The following ARPP21 variants were observed in gnomAD, a reference collection of about 807,000 sequenced individuals.
The protein encoded by ARPP21 is cAMP-regulated phosphoprotein 21.
In ARPP21, 69 loss-of-function variants were observed where a neutral mutation model predicts 113.2. That is an observed-to-expected ratio of 0.61 (90% CI 0.50 to 0.74). The LOEUF (loss-of-function observed/expected upper bound fraction) is 0.74. ARPP21 is among the 30% of genes least tolerant of loss of function. The pLI is 0.00. For missense variants in ARPP21, 1,070 were observed against 1,037.4 expected, an observed-to-expected ratio of 1.03 and a Z score of -0.43; for synonymous variants, 368 against 375.5, an observed-to-expected ratio of 0.98 and a Z score of 0.23.
chr3:35,707,458 C>T (rs1480133446), intron 10 of ARPP21: 1 of 473,024 alleles, frequency 2.1e-6, no homozygotes, highest in Non-Finnish European at 4.2e-6. Flanking sequence ...CAGCTTTGTC[C>T]TTCAGTTGTG....
At chr3:35,656,933 A>G (rs1705234850) in intron 1 of ARPP21, among the ~76,000 whole-genome samples, 1 of 152,088 alleles carries the variant, frequency 6.6e-6, no homozygotes, top group Non-Finnish European at 1.5e-5. Flanking sequence ...TTTATTTCAA[A>G]CAAAATAGAT....
chr3:35,720,007 T>G (rs2092897366), intron 13 of ARPP21, among the ~76,000 whole-genome samples: 1 of 152,200 alleles, frequency 6.6e-6, no homozygotes, highest in Non-Finnish European at 1.5e-5. Flanking sequence ...CTCCCAAGGC[T>G]TTCTTGAATG....
At chr3:35,700,931 C>T (rs560148836) in intron 9 of ARPP21, among the ~76,000 whole-genome samples, 3 of 151,518 alleles carry the variant, frequency 2.0e-5, no homozygotes, top group South Asian at 2.1e-4. Flanking sequence ...ATATAAATGA[C>T]GAGTTGATGG....
chr3:35,669,391 T>G (rs1277194686), intron 1 of ARPP21, among the ~76,000 whole-genome samples: 3 of 152,178 alleles, frequency 2.0e-5, no homozygotes, highest in African/African-American at 7.2e-5. Flanking sequence ...AAGCTGAGTA[T>G]TTTATATTAC....
Position 35,721,623 on chromosome 3 carries a change from A to G in ARPP21, c.1014A>G (p.Ser338=). 1.2e-6 allele frequency: 2 copies of G among 1,610,116 alleles called. No homozygotes were observed. The highest frequency in any genetic ancestry group is 4.5e-5 in the East Asian group (2 of 44,834). ...ACTCCAGGGGCAACAGAGATGGCTC[A>G]GGGAGAACATCTGGGAGTCGACAGA... ...RQLFRGNRDG[S]GRTSGSRQSS... Residue 338 remains serine, a synonymous_variant, in exon 14 of 21, where the codon TCA becomes TCG. Transcript: ENST00000684406.
chr3:35,716,863 T>C (rs2092474253), intron 12 of ARPP21, among the ~76,000 whole-genome samples: 1 of 152,064 alleles, frequency 6.6e-6, no homozygotes, highest in Non-Finnish European at 1.5e-5. Flanking sequence ...CAGGTCTTGA[T>C]GGTCCTGGAA....
Position 35,785,453 on chromosome 3 carries a change from C to T in ARPP21, c.2138-6929C>T, listed in dbSNP as rs143802883. Among the ~76,000 whole-genome samples the T allele has an allele frequency of 1.4e-3, 216 of 152,100 alleles. 1 individual carries two copies. The highest frequency in any genetic ancestry group is 3.4e-3 in the Middle Eastern group (1 of 292). On this transcript the variant is annotated intron_variant, in intron 19 of 20. Transcript: ENST00000684406. Reference sequence around the variant, plus strand: ...CCCTTGGAGGCATTCATTGAAATTCCGTGCATGATCCATTCCTCTAGTCAT... The same window carrying T: ...CCCTTGGAGGCATTCATTGAAATTCTGTGCATGATCCATTCCTCTAGTCAT...
chr3:35,684,448 T>A, intron 5 of ARPP21: 2 of 980,888 alleles, frequency 2.0e-6, no homozygotes, highest in Non-Finnish European at 2.4e-6. Flanking sequence ...TATAAAAATT[T>A]AAATTTAAAC....
In ARPP21 at chr3:35,683,788, A is replaced by AC; in HGVS notation, c.236dup (p.Gly80ArgfsTer3). ...CTGTCTGTGAGGAATCTTCTGCCAG[A>AC]CCAGGAGGTGAAAGTCTTCAGGATC... On this transcript the variant is annotated frameshift_variant, in exon 5 of 21. Transcript: ENST00000684406. LOFTEE classifies it high-confidence loss of function. 6.5e-7 allele frequency: 1 copy of AC among 1,548,054 alleles called. No homozygotes were observed.
chr3:35,746,642 T>C (rs1239951686), intron 19 of ARPP21, among the ~76,000 whole-genome samples: 1 of 152,206 alleles, frequency 6.6e-6, no homozygotes. Flanking sequence ...TGACACCAGA[T>C]TATGTCATAA....
chr3:35,678,035 G>T (rs758011702), intron 1 of ARPP21, among the ~76,000 whole-genome samples: 1 of 151,916 alleles, frequency 6.6e-6, no homozygotes, highest in South Asian at 2.1e-4. Flanking sequence ...TTAGAGCTCG[G>T]TGCTATTTCA....
chr3:35,688,023 T>A, intron 6 of ARPP21, 140 bp downstream of exon 6: 6 of 729,250 alleles, frequency 8.2e-6, no homozygotes, highest in Non-Finnish European at 1.3e-5. Flanking sequence ...TGTGTGTGTG[T>A]AAAAAATGTG....
rs138562521 is a variant in ARPP21, at chr3:35,704,739, C to T, written c.687-2235C>T. Among the ~76,000 whole-genome samples the T allele has an allele frequency of 3.5e-3, 526 of 152,024 alleles. 2 individuals are homozygous for T. The highest frequency in any genetic ancestry group is 0.012 in the African/African-American group (485 of 41,506). ...AATTATAGTGATTTATGAATAGCCG[C>T]GCTAAATGTTCATTTGCTTATACAT... On this transcript the variant is annotated intron_variant, in intron 9 of 20. Coordinates refer to ENST00000684406, the MANE Select transcript of ARPP21 (RefSeq NM_001385562.1).
rs1186246378 is a variant in ARPP21, at chr3:35,784,268, C to A, written c.2138-8114C>A. On this transcript the variant is annotated intron_variant, in intron 19 of 20. Coordinates refer to ENST00000684406, the MANE Select transcript of ARPP21 (RefSeq NM_001385562.1). ...TTGACATTGAATATTAGGTCATTAG[C>A]ATGCCAGAGCTATCTCATGCTGGCT... is the stretch of plus-strand genomic sequence containing the variant. 2.0e-5 allele frequency among the ~76,000 whole-genome samples: 3 copies of A among 152,214 alleles called. No individual in the cohort carries two copies. In the East Asian group the frequency reaches 5.8e-4, roughly 29 times the overall value.
At chr3:35,731,621 A>G (rs2093980326) in intron 15 of ARPP21, among the ~76,000 whole-genome samples, 2 of 151,624 alleles carry the variant, frequency 1.3e-5, no homozygotes, top group South Asian at 4.1e-4. Context: ...TATATAATGC[A>G]TGTTATATAT....
intron 11 of ARPP21, among the ~76,000 whole-genome samples, chr3:35,714,065 T>A (rs1309605953): frequency 2.0e-5 from 3 of 152,232 alleles, no homozygotes; most frequent in Admixed American, 2.0e-4. Context: ...CAATGGCACA[T>A]CATTTATGCT....
intron 19 of ARPP21, chr3:35,744,348 A>G: frequency 5.4e-6 from 2 of 373,294 alleles, no homozygotes; most frequent in Non-Finnish European, 1.0e-5. Flanking sequence ...GGTTGTTTCA[A>G]TATCGTGCTA....
At position 35,721,789 on chromosome 3, in the gene ARPP21, G is replaced by T; in HGVS notation, c.1180G>T (p.Asp394Tyr). Residue 394 changes from aspartate to tyrosine, a missense_variant, in exon 14 of 21, where the codon GAC (aspartate) becomes TAC (tyrosine). Transcript: ENST00000684406. ...FGGITVLTRG[D>Y]STSSTRSTGK... is the part of the protein sequence containing the mutation. ...GGGCATCACGGTGCTGACCAGGGGT[G>T]ACAGCACTTCCAGTACTAGGAGTAC... 1 of 1,613,032 alleles carries T rather than the reference G, an allele frequency of 6.2e-7. No homozygotes were observed. The highest frequency in any genetic ancestry group is 1.1e-5 in the South Asian group (1 of 90,816).
intron 1 of ARPP21, among the ~76,000 whole-genome samples, chr3:35,667,841 A>AAGAAGAAGAAGAAGAAGAAGAAGAAG (rs1559547262): frequency 9.8e-5 from 8 of 81,544 alleles, no homozygotes; most frequent in African/African-American, 3.6e-4. Flanking sequence ...TTTTATTCTC[A>AAGAAGAAGAAGAAGAAGAAGAAGAAG]AAGAAGAAGA....
Sources: allele counts gnomAD v4.1 joint callset (sites outside exome capture counted in the v4.1 genomes callset), GRCh38; gene constraint gnomAD v4.1.1; transcripts MANE v1.5; gene names NCBI Gene and HGNC (gene_info 2026-07-23, HGNC 2026-07-21).